REV3L: variants seen among roughly 807,000 people sequenced by gnomAD.
REV3L encodes the protein REV3 like, DNA directed polymerase zeta catalytic subunit.
REV3L carries 69 observed loss-of-function variants against 299.4 expected under a neutral mutation model. The observed-to-expected ratio is 0.23, with a 90% CI of 0.19 to 0.28. The LOEUF (loss-of-function observed/expected upper bound fraction) is 0.28. Ranked by LOEUF, REV3L falls within the 10% of genes least tolerant of loss-of-function variation. The probability of loss-of-function intolerance (pLI) is 1.00; values close to 1 mark genes in which losing one functional copy is unlikely to be tolerated. For synonymous variants in REV3L, 1,238 were observed against 1,271.4 expected (o/e 0.97, Z 0.56); for missense variants, 3,128 against 3,693.8 (o/e 0.85, Z 3.97).
intron 18 of REV3L, among the ~76,000 whole-genome samples, chr6:111,354,854 C>T (rs1184287975): frequency 6.6e-6 from 1 of 152,094 alleles, no homozygotes; most frequent in Non-Finnish European, 1.5e-5. Flanking sequence ...AAAGCTGCTT[C>T]ACAGTTAGTA....
At chr6:111,407,293 A>G (rs528305697) in intron 3 of REV3L, among the ~76,000 whole-genome samples, 1 of 152,346 alleles carries the variant, frequency 6.6e-6, no homozygotes, top group South Asian at 2.1e-4. Context: ...AACAAAAACA[A>G]AAGTTAAAAC....
Position 111,372,702 on chromosome 6 carries a change from G to C in REV3L, c.5653C>G (p.Pro1885Ala). Residue 1885 changes from proline (P) to alanine (A), a missense_variant, in exon 13 of 32, where the codon CCA becomes GCA. Coordinates refer to ENST00000368802, the MANE Select transcript of REV3L (RefSeq NM_001372078.1). Reference protein sequence around the residue: ...ANILKPLMSPPSREEIMATLL... With the variant: ...ANILKPLMSPASREEIMATLL... The stretch of plus-strand genomic sequence containing the variant: ...GTTGCCATAATTTCTTCCCTACTTG[G>C]GGGGGACATAAGTGGTTTCAGAATG... 4 of 1,604,974 alleles carry C rather than the reference G, an allele frequency of 2.5e-6. No individual in the cohort carries two copies. The highest frequency in any genetic ancestry group is 3.4e-6 in the Non-Finnish European group (4 of 1,176,084).
chr6:111,366,040 C>T (rs971838379), intron 14 of REV3L, among the ~76,000 whole-genome samples: 1 of 151,984 alleles, frequency 6.6e-6, no homozygotes, highest in African/African-American at 2.4e-5. Flanking sequence ...CTAGAAACTA[C>T]AAGGTGGGTA....
chr6:111,346,357 A>G (rs1304280254), intron 20 of REV3L, among the ~76,000 whole-genome samples: 1 of 152,202 alleles, frequency 6.6e-6, no homozygotes, highest in Non-Finnish European at 1.5e-5. Flanking sequence ...AAGCATTACT[A>G]TTTAAGAGGT....
intron 26 of REV3L, among the ~76,000 whole-genome samples, chr6:111,316,108 T>C (rs1309207630): frequency 6.6e-6 from 1 of 151,860 alleles, no homozygotes; most frequent in East Asian, 1.9e-4. Context: ...CCTGGTGGCA[T>C]GTGCCTATAA....
At chr6:111,456,735 C>G (rs756356827) in intron 1 of REV3L, among the ~76,000 whole-genome samples, 29 of 152,148 alleles carry the variant, frequency 1.9e-4, no homozygotes, top group Non-Finnish European at 3.4e-4. Context: ...TATGATTAAA[C>G]TTTTAGACAC....
intron 18 of REV3L, 34 bp downstream of exon 18, chr6:111,356,980 T>A: frequency 8.2e-7 from 1 of 1,218,822 alleles, no homozygotes; most frequent in Non-Finnish European, 1.2e-6. Context: ...ACTCTCTGAA[T>A]AAAACTGGAA....
At chr6:111,392,395 T>C (rs932203332) in intron 5 of REV3L, among the ~76,000 whole-genome samples, 9 of 152,096 alleles carry the variant, frequency 5.9e-5, no homozygotes, top group Non-Finnish European at 1.0e-4. Flanking sequence ...TGGAATATAC[T>C]GCCTCCAAAA....
intron 1 of REV3L, among the ~76,000 whole-genome samples, chr6:111,460,037 A>G (rs1397128727): frequency 6.6e-6 from 1 of 152,196 alleles, no homozygotes; most frequent in Non-Finnish European, 1.5e-5. Context: ...TCAACAGTAA[A>G]TGAGATAAAG....
intron 4 of REV3L, among the ~76,000 whole-genome samples, chr6:111,404,091 T>C (rs901718012): frequency 5.3e-5 from 8 of 152,186 alleles, no homozygotes; most frequent in Admixed American, 2.6e-4. Context: ...CAATGCCTGA[T>C]TTCAAAGCTT....
intron 20 of REV3L, among the ~76,000 whole-genome samples, chr6:111,345,272 A>G (rs1776911092): frequency 6.6e-6 from 1 of 152,206 alleles, no homozygotes; most frequent in Non-Finnish European, 1.5e-5. Context: ...TATGGGGAAC[A>G]GAGAACAGAA....
intron 4 of REV3L, among the ~76,000 whole-genome samples, chr6:111,396,839 A>G (rs966259616): frequency 2.6e-5 from 4 of 151,892 alleles, no homozygotes; most frequent in African/African-American, 9.7e-5. Context: ...CAGGTTTCCT[A>G]TTTCTTCCTG....
intron 1 of REV3L, among the ~76,000 whole-genome samples, chr6:111,450,508 C>CAAAAAAAAAAAAAAAAAAAAAAAAAA (rs1789400781): frequency 1.1e-5 from 1 of 94,318 alleles, no homozygotes. Context: ...AAAAAAAAAC[C>CAAAAAAAAAAAAAAAAAAAAAAAAAA]AAAAAACATT....
At chr6:111,320,992 GT>G (rs1343586987) in intron 26 of REV3L, among the ~76,000 whole-genome samples, 1 of 152,156 alleles carries the variant, frequency 6.6e-6, no homozygotes, top group African/African-American at 2.4e-5. Flanking sequence ...GTGATCAAAA[GT>G]TTTAATGACA....
chr6:111,372,516 CT>C (rs17539664), intron 13 of REV3L, 79 bp downstream of exon 13: 273 of 1,104,562 alleles, frequency 2.5e-4, no homozygotes, highest in South Asian at 3.8e-4. Context: ...TGCATACATT[CT>C]TTTTTTTTCA....
intron 1 of REV3L, chr6:111,460,213 C>T (rs915045517): frequency 6.6e-6 from 1 of 151,932 alleles, no homozygotes; most frequent in African/African-American, 2.4e-5. Flanking sequence ...GGCAGCCAAA[C>T]CATGAGTACA....
In REV3L at chr6:111,322,686, T is replaced by C. The variant is rs1461220391; in HGVS notation, c.8242-8A>G. 1 of 1,604,786 alleles carries C rather than the reference T, an allele frequency of 6.2e-7. No homozygotes were observed. The highest frequency in any genetic ancestry group is 8.5e-7 in the Non-Finnish European group (1 of 1,171,702). ...AACAATACTATCGCCAACCTGTTGG[T>C]ACAAACACATTGGAAATAATTTCTT... On this transcript the variant is annotated splice_polypyrimidine_tract_variant and splice_region_variant and intron_variant, in intron 25 of 31. Transcript: ENST00000368802.
intron 1 of REV3L, among the ~76,000 whole-genome samples, chr6:111,429,174 T>A (rs1198868158): frequency 6.6e-6 from 1 of 152,232 alleles, no homozygotes; most frequent in African/African-American, 2.4e-5. Context: ...TTTGTCTTTT[T>A]ATTTTTTAAA....
chr6:111,451,880 T>C (rs1789590756), intron 1 of REV3L, among the ~76,000 whole-genome samples: 1 of 149,666 alleles, frequency 6.7e-6, no homozygotes, highest in African/African-American at 2.4e-5. Flanking sequence ...GACTTTATCA[T>C]AGTTTAAAAC....
Sources: allele counts gnomAD v4.1 joint callset (sites outside exome capture counted in the v4.1 genomes callset), GRCh38; gene constraint gnomAD v4.1.1; transcripts MANE v1.5; gene names NCBI Gene and HGNC (gene_info 2026-07-23, HGNC 2026-07-21).